The following ZNF148 variants were observed in gnomAD, a reference collection of about 807,000 sequenced individuals.
ZNF148 encodes zinc finger protein 148, also known as Beta-Enolase Repressor Factor-1.
ZNF148 carries 7 observed loss-of-function variants against 67.7 expected under a neutral mutation model. The ratio of observed to expected loss-of-function variants is 0.10; its 90% CI spans 0.06 to 0.19. The LOEUF (loss-of-function observed/expected upper bound fraction) is 0.19, where lower values mean the gene tolerates loss of function less well. Ranked by LOEUF, ZNF148 falls within the 10% of genes least tolerant of loss-of-function variation. ZNF148 has a pLI of 1.00. For synonymous variants in ZNF148, 333 were observed against 330.7 expected (o/e 1.01, Z -0.08); for missense variants, 583 against 947.1 (o/e 0.62, Z 5.05).
chr3:125,292,164 G>A (rs568386400), intron 4 of ZNF148, among the ~76,000 whole-genome samples: 1 of 152,298 alleles, frequency 6.6e-6, no homozygotes, highest in African/African-American at 2.4e-5. Context: ...AACAGGACAG[G>A]GAGGTGAAGC....
At chr3:125,356,141 C>T (rs1294388092) in intron 1 of ZNF148, among the ~76,000 whole-genome samples, 1 of 152,214 alleles carries the variant, frequency 6.6e-6, no homozygotes, top group Non-Finnish European at 1.5e-5. Context: ...GTAATATACT[C>T]AAGTCCTCTG....
intron 5 of ZNF148, among the ~76,000 whole-genome samples, chr3:125,285,553 T>G (rs1422514287): frequency 1.3e-5 from 2 of 151,710 alleles, no homozygotes; most frequent in Non-Finnish European, 2.9e-5. Context: ...TGTTCTTTAT[T>G]TAAAAAAAAA....
At chr3:125,313,717 T>A (rs983712277) in intron 3 of ZNF148, 61 bp from the exon 4 acceptor site, 75 of 1,302,386 alleles carry the variant, frequency 5.8e-5, no homozygotes, top group Non-Finnish European at 7.7e-5. Flanking sequence ...TACTTCATTT[T>A]AAATTTTCAA....
chr3:125,247,992 T>TATC (rs1464722478), intron 7 of ZNF148, among the ~76,000 whole-genome samples: 1 of 152,234 alleles, frequency 6.6e-6, no homozygotes. Flanking sequence ...CTCACTTTTC[T>TATC]ATCAGCCAGT....
chr3:125,267,059 CA>C (rs1304191803), intron 7 of ZNF148, among the ~76,000 whole-genome samples: 1 of 147,004 alleles, frequency 6.8e-6, no homozygotes, highest in Non-Finnish European at 1.5e-5. Context: ...TAATAAAAAA[CA>C]CACCAACCAG....
At chr3:125,264,397 C>T (rs1447722445) in intron 7 of ZNF148, among the ~76,000 whole-genome samples, 3 of 152,112 alleles carry the variant, frequency 2.0e-5, no homozygotes, top group East Asian at 1.9e-4. Flanking sequence ...ATAGGACAGC[C>T]GGCTGGTGTC....
intron 7 of ZNF148, among the ~76,000 whole-genome samples, chr3:125,259,952 C>A (rs1937261462): frequency 6.6e-6 from 1 of 152,064 alleles, no homozygotes; most frequent in South Asian, 2.1e-4. Flanking sequence ...ACTTAGAGGC[C>A]ACTGCAGGGT....
At chr3:125,245,500 T>C (rs1223151985) in intron 7 of ZNF148, among the ~76,000 whole-genome samples, 1 of 152,226 alleles carries the variant, frequency 6.6e-6, no homozygotes, top group African/African-American at 2.4e-5. Flanking sequence ...CTTGGGTATG[T>C]CCTTACAGCA....
intron 7 of ZNF148, among the ~76,000 whole-genome samples, chr3:125,262,977 T>C (rs1937407634): frequency 6.6e-6 from 1 of 152,258 alleles, no homozygotes; most frequent in Admixed American, 6.5e-5. Flanking sequence ...AACTAAACTA[T>C]TCTGTTCCAC....
intron 1 of ZNF148, among the ~76,000 whole-genome samples, chr3:125,371,830 G>A (rs564219663): frequency 1.9e-4 from 29 of 151,802 alleles, no homozygotes; most frequent in African/African-American, 5.8e-4. Context: ...TTTGGGAGAC[G>A]GAGGCGGGTA....
intron 7 of ZNF148, among the ~76,000 whole-genome samples, chr3:125,262,267 T>TATTA (rs1278561752): frequency 2.6e-5 from 4 of 152,246 alleles, no homozygotes; most frequent in African/African-American, 9.6e-5. Flanking sequence ...TTTTATCATG[T>TATTA]ATTACACTGG....
At chr3:125,250,467 C>G (rs1936790208) in intron 7 of ZNF148, among the ~76,000 whole-genome samples, 1 of 152,208 alleles carries the variant, frequency 6.6e-6, no homozygotes, top group Non-Finnish European at 1.5e-5. Flanking sequence ...CAGAGCATCC[C>G]TGAGTGTGGA....
rs1935677549 is a variant in ZNF148 at position 125,227,202 on chromosome 3, C to T, written c.*5139G>A. The T allele has an allele frequency of 6.6e-6, 1 of 152,284 alleles. No homozygotes were observed. The highest frequency in any genetic ancestry group is 2.1e-4 in the South Asian group (1 of 4,822). The allele number at this position is 152,284 out of a possible 1,614,324, so 9.4% of individuals were successfully genotyped here. ...GCAACCCAATTCATTTAGTTCTATA[C>T]AACAGTGTCTATATTATGTACATAT... is the stretch of plus-strand genomic sequence containing the variant. On this transcript the variant is annotated 3_prime_UTR_variant, in exon 9 of 9. Transcript: ENST00000360647.
intron 1 of ZNF148, among the ~76,000 whole-genome samples, chr3:125,364,448 G>A (rs1942641338): frequency 6.6e-6 from 1 of 151,804 alleles, no homozygotes; most frequent in Non-Finnish European, 1.5e-5. Context: ...AATAATCATG[G>A]AATAGATAAA....
intron 3 of ZNF148, among the ~76,000 whole-genome samples, chr3:125,320,614 C>T (rs905563495): frequency 3.3e-5 from 5 of 152,156 alleles, no homozygotes; most frequent in Non-Finnish European, 4.4e-5. Flanking sequence ...TAATCATCAT[C>T]GTCTTTTGTA....
At chr3:125,255,477 C>A (rs192042213) in intron 7 of ZNF148, among the ~76,000 whole-genome samples, 1 of 152,076 alleles carries the variant, frequency 6.6e-6, no homozygotes, top group East Asian at 1.9e-4. Context: ...GAACTCCTGA[C>A]CTCAAGTGAT....
intron 1 of ZNF148, among the ~76,000 whole-genome samples, chr3:125,355,871 T>C (rs565710425): frequency 6.6e-6 from 1 of 152,322 alleles, no homozygotes; most frequent in South Asian, 2.1e-4. Flanking sequence ...GGGAAATCCA[T>C]AGGTATTCCA....
At position 125,234,368 on chromosome 3, in the gene ZNF148, T is replaced by C. The variant is rs376418737; in HGVS notation, c.668-39A>G. 7.8e-5 allele frequency: 107 copies of C among 1,369,344 alleles called. No homozygotes were observed. The African/African-American group carries it at 1.3e-3, about 17-fold the overall frequency. 84.8% of individuals were successfully genotyped at this position (1,369,344 alleles called of 1,614,324 possible). Reference sequence around the variant, plus strand: ...TAGAAAGTTTAAAACAAAACAAATATTGTAAAATAATGAATTGCTTTGCCA... The same window carrying C: ...TAGAAAGTTTAAAACAAAACAAATACTGTAAAATAATGAATTGCTTTGCCA... On this transcript the variant is annotated intron_variant, in intron 7 of 8. Coordinates refer to ENST00000360647, the MANE Select transcript of ZNF148 (RefSeq NM_021964.3).
At chr3:125,316,175 G>T (rs1431001265) in intron 3 of ZNF148, among the ~76,000 whole-genome samples, 1 of 152,080 alleles carries the variant, frequency 6.6e-6, no homozygotes, top group East Asian at 1.9e-4. Context: ...CAAATGACTG[G>T]ATCTCATTCT....
Sources: allele counts gnomAD v4.1 joint callset (sites outside exome capture counted in the v4.1 genomes callset), GRCh38; gene constraint gnomAD v4.1.1; transcripts MANE v1.5; gene names NCBI Gene and HGNC (gene_info 2026-07-23, HGNC 2026-07-21).